CDH23: variants seen among roughly 807,000 people sequenced by gnomAD.
The protein encoded by CDH23 is cadherin related 23.
A neutral mutation model predicts 317.1 loss-of-function variants in CDH23; 189 were observed. The ratio of observed to expected loss-of-function variants is 0.60; its 90% CI spans 0.53 to 0.67. CDH23 has a LOEUF of 0.67. CDH23 is among the 30% of genes least tolerant of loss of function. The pLI is 0.00. For synonymous variants in CDH23, 1,839 were observed against 1,876.8 expected (o/e 0.98, Z 0.52); for missense variants, 4,401 against 4,592.4 (o/e 0.96, Z 1.20).
intron 11 of CDH23, among the ~76,000 whole-genome samples, chr10:71,633,056 C>A (rs934933143): frequency 2.0e-5 from 3 of 152,002 alleles, no homozygotes; most frequent in African/African-American, 7.3e-5. Flanking sequence ...GCTCAGGTCT[C>A]TCTTCCTCTT....
chr10:71,811,641 T>C (rs373319906), intron 64 of CDH23, 51 bp downstream of exon 64: 574 of 1,613,724 alleles, frequency 3.6e-4, no homozygotes, highest in Non-Finnish European at 4.6e-4. Context: ...TGCTCCCGGA[T>C]GGCCACGAGG....
intron 9 of CDH23, among the ~76,000 whole-genome samples, chr10:71,590,574 G>T (rs1859400065): frequency 6.6e-6 from 1 of 152,228 alleles, no homozygotes; most frequent in African/African-American, 2.4e-5. Flanking sequence ...TTATTTTAAA[G>T]GGGCTTGTGA....
intron 1 of CDH23, among the ~76,000 whole-genome samples, chr10:71,416,856 G>A (rs373918976): frequency 1.1e-4 from 17 of 152,130 alleles, no homozygotes; most frequent in South Asian, 1.0e-3. Flanking sequence ...TTTTTACTGA[G>A]TATAAAATTT....
chr10:71,424,112 C>T (rs1371912771), intron 1 of CDH23, among the ~76,000 whole-genome samples: 2 of 152,246 alleles, frequency 1.3e-5, no homozygotes, highest in Admixed American at 6.5e-5. Flanking sequence ...TCAAGTGTGC[C>T]GCCTTTGAGT....
intron 21 of CDH23, among the ~76,000 whole-genome samples, 168 bp downstream of exon 21, chr10:71,694,427 C>T (rs1405071597): frequency 6.6e-6 from 1 of 152,062 alleles, no homozygotes; most frequent in Non-Finnish European, 1.5e-5. Context: ...CCGGGGCCAC[C>T]ACAGCTGTGG....
At chr10:71,669,105 C>T (rs528067311) in intron 14 of CDH23, among the ~76,000 whole-genome samples, 1 of 152,270 alleles carries the variant, frequency 6.6e-6, no homozygotes, top group African/African-American at 2.4e-5. Flanking sequence ...CAGTGCTGAG[C>T]GCTGAGCGGC....
Position 71,500,660 on chromosome 10 carries a change from G to T in CDH23, c.146-9422G>T, listed in dbSNP as rs61851644. Among the ~76,000 whole-genome samples, 1,080 of 152,254 alleles carry T rather than the reference G, an allele frequency of 7.1e-3. 19 individuals are homozygous for T. The highest frequency in any genetic ancestry group is 0.031 in the Middle Eastern group (9 of 294). On this transcript the variant is annotated intron_variant, in intron 3 of 69. Transcript: ENST00000224721. ...GCTGAGTTTTGGATTTGGATAAAAG[G>T]CTTTGTGATAAAAACCATGAGGGTT...
intron 38 of CDH23, among the ~76,000 whole-genome samples, chr10:71,773,824 C>T (rs1313441930): frequency 1.3e-5 from 2 of 152,202 alleles, no homozygotes; most frequent in Non-Finnish European, 2.9e-5. Flanking sequence ...GTTACCATGG[C>T]TTGCATCTGC....
intron 28 of CDH23, chr10:71,715,035 T>A (rs995147566): frequency 1.3e-5 from 2 of 152,254 alleles, no homozygotes; most frequent in African/African-American, 4.8e-5. Flanking sequence ...TGGGCAGGAC[T>A]TGGGACCCCA....
rs1437717591 is a variant in CDH23 at position 71,533,961 on chromosome 10, G to C, written c.429+22749G>C. On this transcript the variant is annotated intron_variant, in intron 6 of 69. Coordinates refer to ENST00000224721, the MANE Select transcript of CDH23 (RefSeq NM_022124.6). ...AACCAGCACCTTTGAAGCTCCCACT[G>C]TCCCCTCCTCATTCCCGGCCAGGGT... Among the ~76,000 whole-genome samples, 4 of 152,106 alleles carry C rather than the reference G, an allele frequency of 2.6e-5. No individual in the cohort carries two copies. In the East Asian group the frequency reaches 5.8e-4, roughly 22 times the overall value.
At chr10:71,478,285 G>T (rs75932361) in intron 3 of CDH23, among the ~76,000 whole-genome samples, 4,972 of 152,286 alleles carry the variant, frequency 0.033, 105 homozygotes, top group Middle Eastern at 0.054. Flanking sequence ...ACCACTGTAT[G>T]GTTGACCCCC....
At chr10:71,563,705 T>A (rs1857245299) in intron 6 of CDH23, among the ~76,000 whole-genome samples, 1 of 152,118 alleles carries the variant, frequency 6.6e-6, no homozygotes, top group Non-Finnish European at 1.5e-5. Flanking sequence ...ACTCTCTTTT[T>A]TTCACACCTT....
Position 71,490,022 on chromosome 10 carries a change from A to AG in CDH23, c.146-20054dup, listed in dbSNP as rs529674555. On this transcript the variant is annotated intron_variant, in intron 3 of 69. Transcript: ENST00000224721. ...GGAGGTTCTTTGGGGTGCCTGCTTG[A>AG]GGGGGGTGTTTCCTATTAGACCCCT... 4.0e-3 allele frequency among the ~76,000 whole-genome samples: 601 copies of AG among 151,198 alleles called. 3 individuals are homozygous for AG. The highest frequency in any genetic ancestry group is 0.015 in the South Asian group (73 of 4,754).
intron 11 of CDH23, among the ~76,000 whole-genome samples, chr10:71,636,658 G>A (rs1862291910): frequency 6.6e-6 from 1 of 152,190 alleles, no homozygotes; most frequent in African/African-American, 2.4e-5. Flanking sequence ...AGAGAAAACA[G>A]ACTCCTGACC....
intron 1 of CDH23, among the ~76,000 whole-genome samples, chr10:71,431,714 C>T (rs1209302340): frequency 6.6e-6 from 1 of 152,238 alleles, no homozygotes; most frequent in African/African-American, 2.4e-5. Context: ...TGAAACGCTG[C>T]CCAGATGTCC....
chr10:71,533,726 A>G (rs1323217697), intron 6 of CDH23, among the ~76,000 whole-genome samples: 1 of 152,132 alleles, frequency 6.6e-6, no homozygotes, highest in African/African-American at 2.4e-5. Flanking sequence ...CTTTGGGGTC[A>G]GGGAAGGATG....
At position 71,522,453 on chromosome 10, in the gene CDH23, G is replaced by C. The variant is rs138629259; in HGVS notation, c.429+11241G>C. ...GGGAGCAGGCAGCCAGCTTCCTCTT[G>C]GGGGCCACTCCCCACACTGGTTAGG... is the stretch of plus-strand genomic sequence containing the variant. On this transcript the variant is annotated intron_variant, in intron 6 of 69. Transcript: ENST00000224721. 1.9e-3 allele frequency among the ~76,000 whole-genome samples: 287 copies of C among 152,238 alleles called. 1 individual carries two copies. Among genetic ancestry groups the C allele is most frequent in the South Asian group, 8.1e-3 (39 of 4,808 alleles).
chr10:71,755,612 A>AG (rs1474842787), intron 38 of CDH23: 2 of 734,110 alleles, frequency 2.7e-6, no homozygotes, highest in African/African-American at 3.6e-5. Context: ...CAACCTACAG[A>AG]GGCATGGAAG....
intron 38 of CDH23, chr10:71,761,560 C>G: frequency 6.6e-7 from 1 of 1,520,050 alleles, no homozygotes; most frequent in Non-Finnish European, 8.8e-7. Context: ...AGGCAGCCCT[C>G]CACACACGCC....
Sources: gnomAD v4.1 joint callset for allele counts (sites outside exome capture counted in the v4.1 genomes callset) on GRCh38, gnomAD v4.1.1 for gene constraint, MANE v1.5 for transcripts, NCBI Gene and HGNC (gene_info 2026-07-23, HGNC 2026-07-21) for gene names.